The following FGF1 variants were observed in gnomAD, a reference collection of about 807,000 sequenced individuals.
FGF1 encodes the protein beta-endothelial cell growth factor.
Under a neutral mutation model 13.4 loss-of-function variants are expected in FGF1, and 9 were observed. The ratio of observed to expected loss-of-function variants is 0.67; its 90% CI spans 0.40 to 1.17. The LOEUF (loss-of-function observed/expected upper bound fraction) is 1.17. Among genes scored for constraint, FGF1 ranks in the 50% most tolerant of loss-of-function variants. The probability of loss-of-function intolerance (pLI) is 0.01; values close to 1 mark genes in which losing one functional copy is unlikely to be tolerated. For missense variants in FGF1, 156 were observed against 192.7 expected (o/e 0.81, Z 1.13); for synonymous variants, 93 against 79.0 (o/e 1.18, Z -0.94).
At chr5:142,683,593 G>A (rs535940849) in intron 1 of FGF1, among the ~76,000 whole-genome samples, 4 of 151,968 alleles carry the variant, frequency 2.6e-5, no homozygotes, top group South Asian at 4.1e-4. Context: ...TTGGGAGGCC[G>A]GTTGGATCAC....
At chr5:142,653,181 C>G (rs1561674786) in intron 1 of FGF1, among the ~76,000 whole-genome samples, 1 of 152,144 alleles carries the variant, frequency 6.6e-6, no homozygotes. Context: ...GCCCACATAT[C>G]GAGTGTGAAT....
chr5:142,657,410 AC>A (rs566215248), intron 1 of FGF1, among the ~76,000 whole-genome samples: 10 of 150,674 alleles, frequency 6.6e-5, no homozygotes, highest in African/African-American at 2.0e-4. Context: ...GGATGTCAGC[AC>A]CCCCCCAACA....
At chr5:142,605,790 G>C (rs138264820) in intron 2 of FGF1, among the ~76,000 whole-genome samples, 1 of 152,204 alleles carries the variant, frequency 6.6e-6, no homozygotes, top group East Asian at 1.9e-4. Context: ...TGGCAGGAAG[G>C]AGCAACACCC....
intron 1 of FGF1, among the ~76,000 whole-genome samples, chr5:142,631,130 G>T (rs1051799922): frequency 1.3e-5 from 2 of 152,158 alleles, no homozygotes; most frequent in African/African-American, 2.4e-5. Flanking sequence ...ACTCTGCTAC[G>T]CACTAAGGGA....
In FGF1 at chr5:142,612,933, C is replaced by T. The variant is rs183753832; in HGVS notation, c.169+1026G>A. On this transcript the variant is annotated intron_variant, in intron 2 of 3. Coordinates refer to ENST00000337706, the MANE Select transcript of FGF1 (RefSeq NM_000800.5). ...GTGCATGGTCCATGAATAATTAAGA[C>T]CACCTGATGTATAAACCATCATGTC... Among the ~76,000 whole-genome samples the T allele has an allele frequency of 2.0e-5, 3 of 152,264 alleles. No individual in the cohort carries two copies. In the East Asian group the frequency reaches 5.8e-4, roughly 29 times the overall value.
At chr5:142,608,414 A>G (rs1039234779) in intron 2 of FGF1, among the ~76,000 whole-genome samples, 13 of 151,814 alleles carry the variant, frequency 8.6e-5, no homozygotes, top group African/African-American at 3.1e-4. Flanking sequence ...AAATGTAGCC[A>G]CAAGCCGGGA....
At chr5:142,667,410 C>T (rs972137501) in intron 1 of FGF1, among the ~76,000 whole-genome samples, 1 of 151,736 alleles carries the variant, frequency 6.6e-6, no homozygotes, top group Non-Finnish European at 1.5e-5. Flanking sequence ...CTCGGTGAAA[C>T]CCCGTCTCTA....
intron 1 of FGF1, among the ~76,000 whole-genome samples, chr5:142,652,709 T>G (rs28513845): frequency 0.13 from 19,234 of 152,180 alleles, 2,533 homozygotes; most frequent in African/African-American, 0.33. Flanking sequence ...AGCAGCCCAG[T>G]AGTGCTTGCG....
At chr5:142,603,097 T>C (rs1756931249) in intron 2 of FGF1, among the ~76,000 whole-genome samples, 1 of 152,126 alleles carries the variant, frequency 6.6e-6, no homozygotes, top group Non-Finnish European at 1.5e-5. Context: ...GCTCTGAGAG[T>C]GTAGCCGTGA....
upstream of FGF1, chr5:142,686,201 T>TG (rs17216748): frequency 0.078 from 11,759 of 150,030 alleles, 809 homozygotes; most frequent in African/African-American, 0.18. Flanking sequence ...GAAATCGAGG[T>TG]GGGGGGGGTG....
upstream of FGF1, among the ~76,000 whole-genome samples, chr5:142,686,726 TG>T (rs1751297194): frequency 6.6e-6 from 1 of 152,104 alleles, no homozygotes; most frequent in African/African-American, 2.4e-5. Flanking sequence ...GCCCTACAAA[TG>T]GCATTTTACG....
intron 1 of FGF1, among the ~76,000 whole-genome samples, chr5:142,643,638 T>C (rs1765543192): frequency 6.6e-6 from 1 of 152,190 alleles, no homozygotes; most frequent in Admixed American, 6.5e-5. Context: ...GTTTCAAAAT[T>C]GTACCCATGA....
intron 1 of FGF1, among the ~76,000 whole-genome samples, chr5:142,659,274 G>A (rs1444066050): frequency 6.7e-6 from 1 of 149,820 alleles, no homozygotes; most frequent in African/African-American, 2.5e-5. Flanking sequence ...CTGTCGCCAG[G>A]CTGGAGTGCA....
intron 2 of FGF1, among the ~76,000 whole-genome samples, chr5:142,693,149 G>A (rs2152071685): frequency 6.6e-6 from 1 of 152,288 alleles, no homozygotes; most frequent in South Asian, 2.1e-4. Context: ...CAGTGGAATT[G>A]TGTGAGTGAC....
chr5:142,661,383 A>G (rs1167579496), intron 1 of FGF1, among the ~76,000 whole-genome samples: 1 of 152,192 alleles, frequency 6.6e-6, no homozygotes, highest in Admixed American at 6.5e-5. Flanking sequence ...ACCCTCATAC[A>G]CTGCTGGTGG....
At chr5:142,692,221 C>T (rs1410037359) in intron 2 of FGF1, among the ~76,000 whole-genome samples, 1 of 152,172 alleles carries the variant, frequency 6.6e-6, no homozygotes, top group Non-Finnish European at 1.5e-5. Context: ...CCTGTGGTCA[C>T]AGCTACTTGG....
chr5:142,695,790 T>C (rs545439794), intron 2 of FGF1, among the ~76,000 whole-genome samples: 1 of 151,850 alleles, frequency 6.6e-6, no homozygotes, highest in Admixed American at 6.6e-5. Flanking sequence ...GAATTCAAGC[T>C]GTGAGAGAAA....
chr5:142,697,682 A>T (rs1006510174), exon 2 of FGF1: 1 of 152,348 alleles, frequency 6.6e-6, no homozygotes, highest in African/African-American at 2.4e-5. Flanking sequence ...TGCAATGTCC[A>T]CACTGTTCTA....
chr5:142,672,565 T>C (rs9885470), intron 1 of FGF1, among the ~76,000 whole-genome samples: 49,549 of 147,940 alleles, frequency 0.33, 8,983 homozygotes, highest in African/African-American at 0.48. Context: ...AATGCAATGG[T>C]GTGATCTCGG....
Sources: allele counts gnomAD v4.1 joint callset (sites outside exome capture counted in the v4.1 genomes callset), GRCh38; gene constraint gnomAD v4.1.1; transcripts MANE v1.5; gene names NCBI Gene and HGNC (gene_info 2026-07-23, HGNC 2026-07-21).